The following BNC2 variants were observed in gnomAD, a reference collection of about 807,000 sequenced individuals.
BNC2 encodes the protein basonuclin zinc finger protein 2.
BNC2 carries 20 observed loss-of-function variants against 76.3 expected under a neutral mutation model. That is an observed-to-expected ratio of 0.26 (90% CI 0.18 to 0.38). The LOEUF is 0.38. BNC2 is among the 10% of genes least tolerant of loss of function. The pLI is 1.00. For missense variants in BNC2, 1,382 were observed against 1,399.8 expected (o/e 0.99, Z 0.20); for synonymous variants, 582 against 514.8 (o/e 1.13, Z -1.77).
intron 5 of BNC2, among the ~76,000 whole-genome samples, chr9:16,439,812 C>G (rs934814990): frequency 6.6e-6 from 1 of 152,202 alleles, no homozygotes; most frequent in Non-Finnish European, 1.5e-5. Context: ...TGTGTGAGTA[C>G]GTGCATGTGG....
At chr9:16,578,520 C>A (rs1211244378) in intron 4 of BNC2, among the ~76,000 whole-genome samples, 1 of 152,062 alleles carries the variant, frequency 6.6e-6, no homozygotes, top group Non-Finnish European at 1.5e-5. Context: ...CTCACTCCCA[C>A]CTGCACCCAA....
rs56964529 is a variant in BNC2 at position 16,796,215 on chromosome 9, G to C, written c.4-57730C>G. Among the ~76,000 whole-genome samples the C allele has an allele frequency of 2.4e-4, 36 of 152,192 alleles. No individual in the cohort carries two copies. In the East Asian group the frequency reaches 6.6e-3, roughly 28 times the overall value. ...AGGCACAATTAACTTGGCTTCTTTC[G>C]TAAGTACTTTATATAGTTTTACATC... is the stretch of plus-strand genomic sequence containing the variant. On this transcript the variant is annotated intron_variant, in intron 1 of 6. Coordinates refer to ENST00000380672, the MANE Select transcript of BNC2 (RefSeq NM_017637.6).
chr9:16,732,275 A>G (rs1824534271), intron 2 of BNC2, among the ~76,000 whole-genome samples: 1 of 152,020 alleles, frequency 6.6e-6, no homozygotes, highest in South Asian at 2.1e-4. Context: ...GTATGTTTGT[A>G]GGGTGTTTTC....
intron 4 of BNC2, among the ~76,000 whole-genome samples, chr9:16,581,093 G>T (rs1224495004): frequency 2.0e-5 from 3 of 152,104 alleles, no homozygotes; most frequent in Non-Finnish European, 4.4e-5. Context: ...AACTGTTATG[G>T]GCTTGTGTTC....
intron 3 of BNC2, among the ~76,000 whole-genome samples, chr9:16,613,161 G>A (rs183359473): frequency 1.8e-4 from 27 of 152,242 alleles, no homozygotes; most frequent in African/African-American, 6.3e-4. Context: ...TTAAATTTGT[G>A]AACCATGGGG....
intron 4 of BNC2, among the ~76,000 whole-genome samples, chr9:16,569,976 A>T (rs1181321957): frequency 2.0e-5 from 3 of 152,194 alleles, no homozygotes; most frequent in Non-Finnish European, 4.4e-5. Context: ...ATCTCATTTT[A>T]AAAGTAACTA....
intron 3 of BNC2, among the ~76,000 whole-genome samples, chr9:16,673,212 T>C (rs1381971144): frequency 1.3e-5 from 2 of 152,112 alleles, no homozygotes; most frequent in African/African-American, 4.8e-5. Flanking sequence ...AAAACCTTTG[T>C]TTATTCAAGA....
At chr9:16,496,799 G>T (rs926467908) in intron 5 of BNC2, among the ~76,000 whole-genome samples, 1 of 152,176 alleles carries the variant, frequency 6.6e-6, no homozygotes, top group African/African-American at 2.4e-5. Flanking sequence ...GCTATGGTGA[G>T]AAAACCTTAT....
chr9:16,800,315 C>A (rs1817750234), intron 1 of BNC2, among the ~76,000 whole-genome samples: 1 of 151,840 alleles, frequency 6.6e-6, no homozygotes. Context: ...CTCAAAATTA[C>A]ACTTCTAGAA....
intron 6 of BNC2, among the ~76,000 whole-genome samples, chr9:16,427,658 G>A (rs1052706420): frequency 1.3e-5 from 2 of 152,168 alleles, no homozygotes; most frequent in African/African-American, 4.8e-5. Flanking sequence ...TCCCAAGTTT[G>A]GAGAGTGTTG....
intron 5 of BNC2, among the ~76,000 whole-genome samples, chr9:16,486,126 T>C (rs996972935): frequency 1.3e-5 from 2 of 152,168 alleles, no homozygotes; most frequent in Non-Finnish European, 2.9e-5. Flanking sequence ...GCTGGGAGGC[T>C]AATGTGTTTG....
intron 3 of BNC2, among the ~76,000 whole-genome samples, chr9:16,599,214 G>C (rs1820177111): frequency 1.3e-5 from 2 of 152,250 alleles, no homozygotes; most frequent in Middle Eastern, 6.8e-3. Context: ...ACAAATAACT[G>C]AACTGTGGAG....
intron 3 of BNC2, among the ~76,000 whole-genome samples, chr9:16,643,168 T>C (rs989365664): frequency 2.6e-5 from 4 of 151,922 alleles, no homozygotes; most frequent in African/African-American, 9.7e-5. Flanking sequence ...TAGCCGGGCA[T>C]GGTGGTGCGT....
chr9:16,833,326 A>G (rs1818627395), intron 1 of BNC2, among the ~76,000 whole-genome samples: 1 of 152,148 alleles, frequency 6.6e-6, no homozygotes, highest in South Asian at 2.1e-4. Context: ...TGTCCCTGTA[A>G]GCATTTTACC....
intron 5 of BNC2, among the ~76,000 whole-genome samples, chr9:16,486,086 G>A (rs1822158410): frequency 6.6e-6 from 1 of 152,150 alleles, no homozygotes; most frequent in African/African-American, 2.4e-5. Context: ...GGCTCCAGCA[G>A]GCTTCCTGCT....
At chr9:16,620,785 T>A (rs1456518826) in intron 3 of BNC2, among the ~76,000 whole-genome samples, 1 of 152,186 alleles carries the variant, frequency 6.6e-6, no homozygotes, top group African/African-American at 2.4e-5. Flanking sequence ...AAACTATAAG[T>A]AGATGAGTGA....
At chr9:16,621,421 A>T (rs1207389293) in intron 3 of BNC2, among the ~76,000 whole-genome samples, 1 of 152,214 alleles carries the variant, frequency 6.6e-6, no homozygotes, top group Non-Finnish European at 1.5e-5. Context: ...GAAGGAAAAA[A>T]GTCTACAAGT....
At chr9:16,641,894 G>A (rs559042890) in intron 3 of BNC2, among the ~76,000 whole-genome samples, 19 of 152,252 alleles carry the variant, frequency 1.2e-4, no homozygotes, top group African/African-American at 4.3e-4. Context: ...TACCATGTAA[G>A]ATGATGCTAT....
chr9:16,848,869 C>G (rs113319499), intron 1 of BNC2, among the ~76,000 whole-genome samples: 499 of 152,288 alleles, frequency 3.3e-3, no homozygotes, highest in Admixed American at 5.1e-3. Context: ...TCCACGTACA[C>G]AAACTTTAAT....
Sources: allele counts gnomAD v4.1 joint callset (sites outside exome capture counted in the v4.1 genomes callset), GRCh38; gene constraint gnomAD v4.1.1; transcripts MANE v1.5; gene names NCBI Gene and HGNC (gene_info 2026-07-23, HGNC 2026-07-21).